Variants in ST7 observed in about 807,000 individuals in gnomAD.
ST7 encodes suppressor of tumorigenicity 7 protein.
A neutral mutation model predicts 78.7 loss-of-function variants in ST7; 28 were observed. That is an observed-to-expected ratio of 0.36 (90% CI 0.26 to 0.49). ST7 has a LOEUF of 0.49. Among genes scored for constraint, ST7 ranks in the 20% least tolerant of loss-of-function variants. The pLI, the probability that ST7 is intolerant of heterozygous loss-of-function variation, is 0.99. For synonymous variants in ST7, 247 were observed against 249.6 expected (o/e 0.99, Z 0.10); for missense variants, 418 against 696.0 (o/e 0.60, Z 4.49).
rs747405851 is a variant in ST7, at chr7:117,138,572, T to C, written c.963+40T>C. Reference sequence around the variant, plus strand: ...GTGTTTGGGATCAGTGGCTTACAGATATAGGAGCCCGCTGAATGGCCATAG... The same window carrying C: ...GTGTTTGGGATCAGTGGCTTACAGACATAGGAGCCCGCTGAATGGCCATAG... On this transcript the variant is annotated intron_variant, in intron 9 of 15. Transcript: ENST00000323984. The C allele has an allele frequency of 1.4e-5, 20 of 1,432,758 alleles. No homozygotes were observed. In the Admixed American group the frequency reaches 3.8e-4, roughly 28 times the overall value. The allele number at this position is 1,432,758 out of a possible 1,614,324, so 88.8% of individuals were successfully genotyped here.
At chr7:117,161,341 C>T (rs1807125978) in intron 9 of ST7, among the ~76,000 whole-genome samples, 2 of 152,006 alleles carry the variant, frequency 1.3e-5, no homozygotes, top group Non-Finnish European at 2.9e-5. Flanking sequence ...GTGTAAAAAT[C>T]ATAGTTGCAC....
At chr7:117,198,582 C>T (rs1810524936) in intron 12 of ST7, 1 of 275,630 alleles carries the variant, frequency 3.6e-6, no homozygotes, top group African/African-American at 2.2e-5. Flanking sequence ...CATTTCCGAC[C>T]TGTGTCTTAT....
At chr7:117,210,635 T>C (rs1433330744) in intron 13 of ST7, among the ~76,000 whole-genome samples, 2 of 152,076 alleles carry the variant, frequency 1.3e-5, no homozygotes, top group African/African-American at 4.8e-5. Context: ...GAGAGGTCCA[T>C]GGGGTGGAGT....
chr7:117,097,880 C>CTA (rs373598650), intron 1 of ST7, among the ~76,000 whole-genome samples: 14 of 10,604 alleles, frequency 1.3e-3, no homozygotes, highest in Non-Finnish European at 2.0e-3. Flanking sequence ...TGACATATCA[C>CTA]TATATATATA....
intron 12 of ST7, among the ~76,000 whole-genome samples, chr7:117,201,894 G>A (rs535293706): frequency 1.6e-3 from 240 of 151,854 alleles, no homozygotes; most frequent in African/African-American, 5.4e-3. Context: ...CCTTTCCTGC[G>A]CTGCCACGCG....
At chr7:117,061,562 AC>A (rs1253294308) in intron 1 of ST7, among the ~76,000 whole-genome samples, 1 of 152,172 alleles carries the variant, frequency 6.6e-6, no homozygotes, top group Non-Finnish European at 1.5e-5. Context: ...GATAAGAAAA[AC>A]TTAGATGTAA....
chr7:117,095,541 C>T (rs28557253), intron 1 of ST7, among the ~76,000 whole-genome samples: 3 of 152,230 alleles, frequency 2.0e-5, no homozygotes, highest in Non-Finnish European at 4.4e-5. Flanking sequence ...CAGAACTCTA[C>T]ATGATGCATT....
At chr7:116,958,810 A>G (rs1485362211) in intron 1 of ST7, 2 of 365,954 alleles carry the variant, frequency 5.5e-6, no homozygotes, top group African/African-American at 4.3e-5. Flanking sequence ...TAATTTAAAA[A>G]TCCTTTATTG....
intron 1 of ST7, among the ~76,000 whole-genome samples, chr7:117,057,388 G>T (rs1798118097): frequency 6.6e-6 from 1 of 152,118 alleles, no homozygotes; most frequent in Non-Finnish European, 1.5e-5. Context: ...TTCACATGGT[G>T]CTCAACCTTA....
intron 1 of ST7, among the ~76,000 whole-genome samples, chr7:117,071,588 C>T (rs1297288643): frequency 3.3e-5 from 5 of 152,170 alleles, no homozygotes; most frequent in Non-Finnish European, 4.4e-5. Context: ...TCAGGCCTTC[C>T]GAACCTTTTC....
chr7:117,065,340 C>G (rs1013279888), intron 1 of ST7, among the ~76,000 whole-genome samples: 2 of 151,660 alleles, frequency 1.3e-5, no homozygotes, highest in South Asian at 4.2e-4. Flanking sequence ...TCCCGGGTAG[C>G]TGGGATTACA....
chr7:117,027,065 A>G (rs1328799977), intron 1 of ST7, among the ~76,000 whole-genome samples: 2 of 152,250 alleles, frequency 1.3e-5, no homozygotes, highest in Non-Finnish European at 2.9e-5. Flanking sequence ...TCCACTCAGA[A>G]CACTTCATCA....
chr7:117,097,904 A>ATTT (rs1171743827), intron 1 of ST7, among the ~76,000 whole-genome samples: 1 of 33,720 alleles, frequency 3.0e-5, no homozygotes, highest in Non-Finnish European at 6.0e-5. Flanking sequence ...ATATATATAT[A>ATTT]TATATTTTTT....
chr7:117,174,581 G>T (rs1037062645), intron 10 of ST7, among the ~76,000 whole-genome samples: 1 of 151,894 alleles, frequency 6.6e-6, no homozygotes, highest in African/African-American at 2.4e-5. Context: ...AAAAACGGAG[G>T]TGGTCTCACT....
chr7:117,122,761 T>C (rs1317795768), intron 3 of ST7, among the ~76,000 whole-genome samples: 1 of 152,208 alleles, frequency 6.6e-6, no homozygotes, highest in Non-Finnish European at 1.5e-5. Context: ...CAAACATGTA[T>C]GCTAGTTTGG....
chr7:117,212,595 T>G (rs1424774826), intron 13 of ST7, among the ~76,000 whole-genome samples: 1 of 152,150 alleles, frequency 6.6e-6, no homozygotes, highest in Non-Finnish European at 1.5e-5. Flanking sequence ...TGAGACCAAT[T>G]TTATAAAATA....
intron 3 of ST7, among the ~76,000 whole-genome samples, chr7:117,127,871 T>C (rs903655647): frequency 1.3e-5 from 2 of 151,988 alleles, no homozygotes; most frequent in African/African-American, 4.8e-5. Context: ...ATTTTTTGTT[T>C]AGAAATAATT....
At chr7:117,163,104 G>C (rs1807282316) in intron 9 of ST7, among the ~76,000 whole-genome samples, 1 of 152,096 alleles carries the variant, frequency 6.6e-6, no homozygotes, top group Non-Finnish European at 1.5e-5. Flanking sequence ...CCAATGATTG[G>C]ATTTTATTCT....
At chr7:117,032,600 A>G in intron 1 of ST7, among the ~76,000 whole-genome samples, 1 of 152,308 alleles carries the variant, frequency 6.6e-6, no homozygotes, top group African/African-American at 2.4e-5. Flanking sequence ...TTATTTTTTA[A>G]GAACTTTTTC....
Sources: allele counts gnomAD v4.1 joint callset (sites outside exome capture counted in the v4.1 genomes callset), GRCh38; gene constraint gnomAD v4.1.1; transcripts MANE v1.5; gene names NCBI Gene and HGNC (gene_info 2026-07-23, HGNC 2026-07-21).